Variants in EXOC6B observed in about 807,000 individuals in gnomAD.
The protein encoded by EXOC6B is SEC15 homolog B.
In EXOC6B, 54 loss-of-function variants were observed where a neutral mutation model predicts 113.5. The observed-to-expected ratio is 0.48, with a 90% confidence interval of 0.38 to 0.60. EXOC6B has a LOEUF of 0.60. Ranked by LOEUF, EXOC6B falls within the 20% of genes least tolerant of loss-of-function variation. The probability of loss-of-function intolerance (pLI) is 0.00; values close to 1 mark genes in which losing one functional copy is unlikely to be tolerated. For missense variants in EXOC6B, 797 were observed against 977.5 expected (o/e 0.82, Z 2.46); for synonymous variants, 357 against 339.0 (o/e 1.05, Z -0.58).
intron 20 of EXOC6B, among the ~76,000 whole-genome samples, chr2:72,333,597 T>C (rs961032158): frequency 5.3e-5 from 8 of 152,116 alleles, no homozygotes; most frequent in African/African-American, 1.7e-4. Flanking sequence ...AATGTCTCAG[T>C]TGAGTTGCTA....
intron 6 of EXOC6B, among the ~76,000 whole-genome samples, chr2:72,693,836 CCTTTTTT>C (rs1677674359): frequency 1.3e-5 from 2 of 151,864 alleles, no homozygotes. Context: ...AACTTTTCTT[CCTTTTTT>C]CTTTTTTTTT....
chr2:72,199,442 AT>A (rs1215084625), intron 20 of EXOC6B, among the ~76,000 whole-genome samples: 2 of 152,070 alleles, frequency 1.3e-5, no homozygotes, highest in Non-Finnish European at 2.9e-5. Flanking sequence ...ATATGTCTTA[AT>A]TTTTCTCTTT....
chr2:72,629,676 T>C (rs1408120553), intron 6 of EXOC6B, among the ~76,000 whole-genome samples: 1 of 152,222 alleles, frequency 6.6e-6, no homozygotes, highest in East Asian at 1.9e-4. Flanking sequence ...TTGATCGGTC[T>C]TTTTATTCAA....
At chr2:72,349,289 G>A (rs570113472) in intron 19 of EXOC6B, among the ~76,000 whole-genome samples, 1 of 152,176 alleles carries the variant, frequency 6.6e-6, no homozygotes, top group African/African-American at 2.4e-5. Flanking sequence ...GGAATTTCCT[G>A]AGTGATGGAA....
At chr2:72,253,443 C>T (rs1434129430) in intron 20 of EXOC6B, among the ~76,000 whole-genome samples, 1 of 152,244 alleles carries the variant, frequency 6.6e-6, no homozygotes, top group East Asian at 1.9e-4. Context: ...ATGAAATCAA[C>T]CTAAATGCCT....
intron 20 of EXOC6B, among the ~76,000 whole-genome samples, chr2:72,271,128 C>A (rs753468413): frequency 2.0e-5 from 3 of 152,090 alleles, no homozygotes; most frequent in African/African-American, 4.8e-5. Flanking sequence ...TGTTGAGAAA[C>A]TGAGGGAACA....
At position 72,757,790 on chromosome 2, in the gene EXOC6B, A is replaced by G. The variant is rs768817310; in HGVS notation, c.114-16321T>C. On this transcript the variant is annotated intron_variant, in intron 1 of 21. Transcript: ENST00000272427. ...ACCCAAGAAGCAATCACCACTGGTCAGAATTTTTAAAATTCAGTGTCTTTT... is the reference window on the plus strand; with the variant it reads ...ACCCAAGAAGCAATCACCACTGGTCGGAATTTTTAAAATTCAGTGTCTTTT... Among the ~76,000 whole-genome samples, 215 of 152,306 alleles carry G rather than the reference A, an allele frequency of 1.4e-3. 2 individuals carry two copies. The highest frequency in any genetic ancestry group is 6.8e-3 in the Middle Eastern group (2 of 294).
At chr2:72,422,321 T>G (rs1694934632) in intron 18 of EXOC6B, among the ~76,000 whole-genome samples, 1 of 152,234 alleles carries the variant, frequency 6.6e-6, no homozygotes, top group African/African-American at 2.4e-5. Flanking sequence ...AGAGTCTTTA[T>G]TATCTAGCTC....
chr2:72,631,191 CATAT>C (rs10579703), intron 6 of EXOC6B, among the ~76,000 whole-genome samples: 53 of 149,908 alleles, frequency 3.5e-4, no homozygotes, highest in South Asian at 2.1e-3. Context: ...TGCAAGTGTG[CATAT>C]ATATATATAT....
intron 16 of EXOC6B, among the ~76,000 whole-genome samples, chr2:72,480,985 T>A (rs1467404700): frequency 6.6e-6 from 1 of 152,118 alleles, no homozygotes; most frequent in Admixed American, 6.6e-5. Context: ...ATCTCCATAA[T>A]CCCATGTATC....
chr2:72,631,451 TATATATATATAGAG>T (rs1672431875), intron 6 of EXOC6B, among the ~76,000 whole-genome samples: 7 of 46,000 alleles, frequency 1.5e-4, no homozygotes, highest in Non-Finnish European at 2.2e-4. Context: ...TATATATATA[TATATATATATAGAG>T]AGAGAGAGAG....
chr2:72,669,903 G>T (rs774395691), intron 6 of EXOC6B, among the ~76,000 whole-genome samples: 1 of 152,162 alleles, frequency 6.6e-6, no homozygotes, highest in Non-Finnish European at 1.5e-5. Context: ...GAAAATGCTT[G>T]AATTAGTTAC....
intron 6 of EXOC6B, among the ~76,000 whole-genome samples, chr2:72,646,122 T>A (rs1165420421): frequency 6.6e-6 from 1 of 151,952 alleles, no homozygotes; most frequent in Non-Finnish European, 1.5e-5. Context: ...CCACCACAGA[T>A]CCTACAGAAA....
intron 19 of EXOC6B, among the ~76,000 whole-genome samples, chr2:72,356,373 C>A (rs999304826): frequency 1.3e-5 from 2 of 152,002 alleles, no homozygotes; most frequent in Non-Finnish European, 2.9e-5. Context: ...TCCTGTGAAA[C>A]CAACATTATC....
At chr2:72,259,802 G>T (rs1683594679) in intron 20 of EXOC6B, among the ~76,000 whole-genome samples, 1 of 146,092 alleles carries the variant, frequency 6.8e-6, no homozygotes, top group Non-Finnish European at 1.5e-5. Flanking sequence ...GGTAATCCCA[G>T]CACTTTGGGA....
At chr2:72,454,962 C>T (rs571098339) in intron 18 of EXOC6B, among the ~76,000 whole-genome samples, 12 of 152,026 alleles carry the variant, frequency 7.9e-5, no homozygotes, top group South Asian at 2.1e-4. Flanking sequence ...GCTCAAATAA[C>T]GTAACTGTTA....
At chr2:72,565,964 G>A (rs1475214931) in intron 7 of EXOC6B, among the ~76,000 whole-genome samples, 1 of 151,714 alleles carries the variant, frequency 6.6e-6, no homozygotes, top group East Asian at 1.9e-4. Context: ...ACTACCCTGA[G>A]GATATAGCTC....
intron 7 of EXOC6B, among the ~76,000 whole-genome samples, chr2:72,564,629 C>T (rs1704061888): frequency 6.6e-6 from 1 of 152,094 alleles, no homozygotes; most frequent in Admixed American, 6.5e-5. Context: ...ACATTTTTCA[C>T]CAGTGTGCAT....
chr2:72,604,800 A>T (rs1211270892), intron 6 of EXOC6B, among the ~76,000 whole-genome samples: 1 of 152,212 alleles, frequency 6.6e-6, no homozygotes, highest in African/African-American at 2.4e-5. Context: ...CTTCCTAGTT[A>T]ATAAAGTCTT....
Sources: allele counts gnomAD v4.1 joint callset (sites outside exome capture counted in the v4.1 genomes callset), GRCh38; gene constraint gnomAD v4.1.1; transcripts MANE v1.5; gene names NCBI Gene and HGNC (gene_info 2026-07-23, HGNC 2026-07-21).